The following ATP10B variants were observed in gnomAD, a reference collection of about 807,000 sequenced individuals.
The protein encoded by ATP10B is phospholipid-transporting ATPase VB.
In ATP10B, 122 loss-of-function variants were observed where a neutral mutation model predicts 141.2. The observed-to-expected ratio is 0.86, with a 90% CI of 0.75 to 1.00. The LOEUF (loss-of-function observed/expected upper bound fraction) is 1.00, where lower values mean the gene tolerates loss of function less well. Ranked by LOEUF, ATP10B falls within the 50% of genes least tolerant of loss-of-function variation. The pLI, the probability that ATP10B is intolerant of heterozygous loss-of-function variation, is 0.00. For missense variants in ATP10B, 1,876 were observed against 1,825.3 expected (o/e 1.03, Z -0.51); for synonymous variants, 685 against 692.0 (o/e 0.99, Z 0.16).
At chr5:160,878,692 C>A in the ATP10B span, among the ~76,000 whole-genome samples, 11 of 152,170 alleles carry the variant, frequency 7.2e-5, no homozygotes, top group South Asian at 1.2e-3. Context: ...TTTACAAGAA[C>A]AAAACAAACA....
At chr5:160,605,714 T>C (rs1757345843) in intron 19 of ATP10B, among the ~76,000 whole-genome samples, 1 of 152,212 alleles carries the variant, frequency 6.6e-6, no homozygotes, top group Non-Finnish European at 1.5e-5. Context: ...GAAAATCTTA[T>C]CCCATGCCTG....
the ATP10B span, among the ~76,000 whole-genome samples, chr5:160,882,466 G>A: frequency 1.3e-5 from 2 of 151,916 alleles, no homozygotes; most frequent in African/African-American, 4.8e-5. Context: ...TTTTTTTGTA[G>A]AGATGGGGTC....
chr5:160,869,728 C>T, the ATP10B span, among the ~76,000 whole-genome samples: 1 of 152,114 alleles, frequency 6.6e-6, no homozygotes, highest in Admixed American at 6.6e-5. Flanking sequence ...AAAACAGACT[C>T]ACAGGAAGAA....
intron 1 of ATP10B, among the ~76,000 whole-genome samples, chr5:160,833,594 G>A (rs2127979455): frequency 6.6e-6 from 1 of 152,182 alleles, no homozygotes; most frequent in South Asian, 2.1e-4. Context: ...ATAATCAAGT[G>A]AAAAAATAGT....
intron 2 of ATP10B, among the ~76,000 whole-genome samples, chr5:160,762,693 TGAACA>T (rs1287618760): frequency 6.6e-6 from 1 of 151,662 alleles, no homozygotes; most frequent in Admixed American, 6.6e-5. Context: ...ACTAGCATAA[TGAACA>T]GAACAGTACC....
intron 2 of ATP10B, among the ~76,000 whole-genome samples, chr5:160,748,970 G>A (rs1401270968): frequency 3.9e-5 from 6 of 152,288 alleles, no homozygotes; most frequent in Non-Finnish European, 7.3e-5. Flanking sequence ...ATGTTTGGGA[G>A]GAATGATCTC....
chr5:160,691,364 A>T (rs1297707374), intron 3 of ATP10B, among the ~76,000 whole-genome samples: 17 of 151,978 alleles, frequency 1.1e-4, no homozygotes, highest in African/African-American at 2.2e-4. Flanking sequence ...AATAATGATT[A>T]AAAAAAATGC....
chr5:160,672,505 G>C (rs549980255), intron 6 of ATP10B, among the ~76,000 whole-genome samples: 1 of 152,298 alleles, frequency 6.6e-6, no homozygotes, highest in South Asian at 2.1e-4. Flanking sequence ...TTCAAGATCT[G>C]TTCCGGAGGT....
chr5:160,570,651 C>A (rs1428285710), intron 24 of ATP10B, among the ~76,000 whole-genome samples: 2 of 152,230 alleles, frequency 1.3e-5, no homozygotes, highest in African/African-American at 4.8e-5. Context: ...ACTCAACTCA[C>A]TGGCATTATT....
chr5:160,755,948 A>G (rs2127831276), intron 2 of ATP10B, among the ~76,000 whole-genome samples: 1 of 145,540 alleles, frequency 6.9e-6, no homozygotes, highest in African/African-American at 2.5e-5. Flanking sequence ...GAGGTGCATG[A>G]CTGCATCTAA....
intron 2 of ATP10B, among the ~76,000 whole-genome samples, chr5:160,726,081 C>G (rs1038434749): frequency 6.6e-6 from 1 of 152,086 alleles, no homozygotes; most frequent in African/African-American, 2.4e-5. Context: ...TAGGAAGCAT[C>G]AGGAAAGCCA....
intron 6 of ATP10B, among the ~76,000 whole-genome samples, chr5:160,676,474 C>A (rs574522343): frequency 6.6e-5 from 10 of 152,298 alleles, no homozygotes; most frequent in African/African-American, 2.4e-4. Flanking sequence ...CTGTATATTA[C>A]CATCCTATTT....
At chr5:160,567,715 A>G (rs1754629217) in intron 25 of ATP10B, among the ~76,000 whole-genome samples, 1 of 152,000 alleles carries the variant, frequency 6.6e-6, no homozygotes, top group African/African-American at 2.4e-5. Context: ...TCCTAGGAGG[A>G]GTTGGCCCAA....
chr5:160,653,781 CATATATATTATATAGACGTATATACATAT>C (rs1478397457), intron 7 of ATP10B, among the ~76,000 whole-genome samples: 1 of 112,852 alleles, frequency 8.9e-6, no homozygotes, highest in African/African-American at 4.0e-5. Context: ...TACATATATA[CATATATATTATATAGACGTATATACATAT>C]ATATTATATA....
At chr5:160,803,786 C>T (rs1561871135) in intron 1 of ATP10B, among the ~76,000 whole-genome samples, 1 of 152,204 alleles carries the variant, frequency 6.6e-6, no homozygotes, top group Non-Finnish European at 1.5e-5. Context: ...TTAATTAATA[C>T]TGAGAAAGAG....
In ATP10B at chr5:160,665,570, GT is replaced by G. The variant is rs1427024643; in HGVS notation, c.675+4892del. On this transcript the variant is annotated intron_variant, in intron 7 of 25. Transcript: ENST00000327245. ...ATGAACATTGGAACCTGCAAGAGGG[GT>G]TCACAGGACAAAAGCTTCTTAATTT... Among the ~76,000 whole-genome samples, 5 of 152,310 alleles carry G rather than the reference GT, an allele frequency of 3.3e-5. No homozygotes were observed. In the East Asian group the frequency reaches 9.6e-4, roughly 29 times the overall value.
the ATP10B span, among the ~76,000 whole-genome samples, chr5:160,890,513 AT>A: frequency 0.021 from 3,204 of 152,122 alleles, 118 homozygotes; most frequent in African/African-American, 0.074. Context: ...ACTATTCTGG[AT>A]ATTTTATAAG....
chr5:160,565,844 T>C lies in ATP10B; in HGVS notation c.3995A>G (p.Gln1332Arg). The C allele has an allele frequency of 1.2e-6, 2 of 1,613,980 alleles. No homozygotes were observed. The highest frequency in any genetic ancestry group is 2.2e-5 in the East Asian group (1 of 44,878). The change falls in exon 26 of 26, where the codon CAG becomes CGG. Residue 1332 changes from glutamine (Q) to arginine (R), a missense_variant. Transcript: ENST00000327245. Reference protein sequence around the residue: ...TCGKSLISKAQKIDKLPPDKR... With the variant: ...TCGKSLISKARKIDKLPPDKR... ...GTCTGGGGGGAGTTTGTCAATTTTC[T>C]GAGCTTTTGAGATTAGAGACTTCCC...
rs192740277 is a variant in ATP10B, at chr5:160,598,640, A to T, written c.3564+130T>A. On this transcript the variant is annotated intron_variant, in intron 22 of 25. Coordinates refer to ENST00000327245, the MANE Select transcript of ATP10B (RefSeq NM_025153.3). Reference sequence around the variant, plus strand: ...AGGAGAGAGGAGTTACTCAAAGTAAATGATGGAACAGTGGTCAGAATGCAG... The same window carrying T: ...AGGAGAGAGGAGTTACTCAAAGTAATTGATGGAACAGTGGTCAGAATGCAG... The T allele has an allele frequency of 8.1e-4, 654 of 812,104 alleles. 1 individual carries two copies. Among genetic ancestry groups the T allele is most frequent in the Non-Finnish European group, 1.2e-3 (591 of 499,512 alleles). 50.3% of individuals were successfully genotyped at this position (812,104 alleles called of 1,614,324 possible).
Sources: allele counts gnomAD v4.1 joint callset (sites outside exome capture counted in the v4.1 genomes callset), GRCh38; gene constraint gnomAD v4.1.1; transcripts MANE v1.5; gene names NCBI Gene and HGNC (gene_info 2026-07-23, HGNC 2026-07-21).